Variants in TRAM1 observed in about 807,000 individuals in gnomAD.
The protein encoded by TRAM1 is translocation associated membrane protein 1.
TRAM1 carries 17 observed loss-of-function variants against 48.7 expected under a neutral mutation model. That is an observed-to-expected ratio of 0.35 (90% confidence interval 0.24 to 0.52). The LOEUF (loss-of-function observed/expected upper bound fraction) is 0.52. TRAM1 is among the 20% of genes least tolerant of loss of function. The pLI, the probability that TRAM1 is intolerant of heterozygous loss-of-function variation, is 0.94. For synonymous variants in TRAM1, 182 were observed against 154.0 expected (o/e 1.18, Z -1.34); for missense variants, 351 against 441.5 (o/e 0.79, Z 1.84).
intron 5 of TRAM1, 116 bp downstream of exon 5, chr8:70,596,133 GTCAAAGACATATTT>G (rs1817481435): frequency 1.6e-6 from 1 of 627,476 alleles, no homozygotes; most frequent in African/African-American, 1.9e-5. Flanking sequence ...CAGTGGGACT[GTCAAAGACATATTT>G]TCATCTATTT....
In TRAM1 at chr8:70,574,687, T is replaced by C. The variant is rs990561340; in HGVS notation, c.*245A>G. 2 of 321,166 alleles carry C rather than the reference T, an allele frequency of 6.2e-6. No individual in the cohort carries two copies. The highest frequency in any genetic ancestry group is 1.0e-4 in the Admixed American group (2 of 20,002). The allele number at this position is 321,166 out of a possible 1,614,324, so 19.9% of individuals were successfully genotyped here. A position where few individuals can be genotyped will look rare whatever the true frequency, so the allele number is the denominator to read the frequency against. ...AAAATGTTCAAAAATAAAAACAAAA[T>C]AAAATATGGTGGTGGTCCCTAAACT... On this transcript the variant is annotated 3_prime_UTR_variant, in exon 11 of 11. Coordinates refer to ENST00000262213, the MANE Select transcript of TRAM1 (RefSeq NM_014294.6).
chr8:70,589,808 G>A (rs562802509), intron 6 of TRAM1, among the ~76,000 whole-genome samples: 202 of 152,290 alleles, frequency 1.3e-3, no homozygotes, highest in African/African-American at 4.3e-3. Context: ...TGTGGCCACT[G>A]CACTCCAGCA....
At chr8:70,587,454 T>G (rs1195409123) in intron 6 of TRAM1, 2 of 310,034 alleles carry the variant, frequency 6.5e-6, no homozygotes, top group East Asian at 1.1e-4. Context: ...ATTAGGTATA[T>G]AGCATTAGCA....
chr8:70,580,131 G>T (rs1295580834), intron 10 of TRAM1, among the ~76,000 whole-genome samples: 1 of 152,036 alleles, frequency 6.6e-6, no homozygotes, highest in Non-Finnish European at 1.5e-5. Flanking sequence ...TTGCTTCTTG[G>T]CATTTTGGCT....
chr8:70,607,256 G>C (rs1262318182), intron 1 of TRAM1: 9 of 984,938 alleles, frequency 9.1e-6, no homozygotes, highest in Non-Finnish European at 1.1e-5. Context: ...AGATACGTGG[G>C]AAGAGAATTT....
At chr8:70,591,516 A>C (rs924144295) in intron 6 of TRAM1, among the ~76,000 whole-genome samples, 26 of 152,176 alleles carry the variant, frequency 1.7e-4, no homozygotes, top group Non-Finnish European at 1.5e-5. Flanking sequence ...GTGAAATCAT[A>C]ACAAATTATA....
intron 6 of TRAM1, among the ~76,000 whole-genome samples, chr8:70,593,568 TCCCAC>T (rs1199224753): frequency 1.4e-5 from 2 of 141,050 alleles, no homozygotes; most frequent in African/African-American, 5.3e-5. Context: ...TGAAGTAAAA[TCCCAC>T]ATAGGATTTC....
chr8:70,574,767 A>G lies in TRAM1; in HGVS notation c.*165T>C. The stretch of plus-strand genomic sequence containing the variant: ...TAAAATATTTTTTTCATTCATAGCA[A>G]TAATCCTCCCCTCAAATGCCCTTTA... On this transcript the variant is annotated 3_prime_UTR_variant, in exon 11 of 11. Transcript: ENST00000262213. 1.8e-6 allele frequency: 1 copy of G among 564,724 alleles called. No homozygotes were observed. Among genetic ancestry groups the G allele is most frequent in the Non-Finnish European group, 3.1e-6 (1 of 326,318 alleles). The allele number at this position is 564,724 out of a possible 1,614,324, so 35.0% of individuals were successfully genotyped here. A position where few individuals can be genotyped will look rare whatever the true frequency, so the allele number is the denominator to read the frequency against.
chr8:70,584,816 A>G (rs10094121), intron 8 of TRAM1, among the ~76,000 whole-genome samples: 110,849 of 151,398 alleles, frequency 0.73, 42,291 homozygotes, highest in Non-Finnish European at 0.85. Context: ...CATGCTCATG[A>G]GTAGGAAGAA....
chr8:70,596,206 T>C (rs1563388317), intron 5 of TRAM1, 57 bp downstream of exon 5: 1 of 1,367,540 alleles, frequency 7.3e-7, no homozygotes, highest in Middle Eastern at 1.9e-4. Context: ...TGAATTCTGA[T>C]TAATAGTGAC....
At chr8:70,604,833 C>T (rs1457930455) in intron 1 of TRAM1, among the ~76,000 whole-genome samples, 1 of 151,994 alleles carries the variant, frequency 6.6e-6, no homozygotes, top group East Asian at 1.9e-4. Context: ...TCTTGTGAAC[C>T]CCTAATTCTT....
chr8:70,581,303 A>G (rs1469784992), intron 10 of TRAM1, among the ~76,000 whole-genome samples: 1 of 152,250 alleles, frequency 6.6e-6, no homozygotes, highest in East Asian at 1.9e-4. Context: ...GACTCACATT[A>G]CCTGCTTTCA....
chr8:70,588,112 G>A (rs570856638), intron 6 of TRAM1, among the ~76,000 whole-genome samples: 1 of 152,192 alleles, frequency 6.6e-6, no homozygotes, highest in South Asian at 2.1e-4. Flanking sequence ...TACTCAGGAG[G>A]CAGACACAGG....
chr8:70,577,225 C>G (rs1816975859), intron 10 of TRAM1, among the ~76,000 whole-genome samples: 1 of 152,112 alleles, frequency 6.6e-6, no homozygotes, highest in South Asian at 2.1e-4. Flanking sequence ...TGTAGGCACC[C>G]CTTGGCATGA....
At chr8:70,594,455 C>CA (rs770524432) in intron 6 of TRAM1, 51 bp downstream of exon 6, 43,503 of 998,272 alleles carry the variant, frequency 0.044, no homozygotes, top group South Asian at 0.053. Context: ...AAAAATTTTT[C>CA]AAAAAAAAAA....
chr8:70,593,858 G>T (rs1817423189), intron 6 of TRAM1, among the ~76,000 whole-genome samples: 1 of 152,134 alleles, frequency 6.6e-6, no homozygotes, highest in African/African-American at 2.4e-5. Context: ...TTTCAGAAGG[G>T]AGAGGGTAAA....
intron 10 of TRAM1, among the ~76,000 whole-genome samples, chr8:70,575,997 G>T (rs1563378118): frequency 6.6e-6 from 1 of 150,780 alleles, no homozygotes; most frequent in African/African-American, 2.4e-5. Flanking sequence ...CTTGAGCCCG[G>T]GAGGCAAAGG....
intron 1 of TRAM1, among the ~76,000 whole-genome samples, chr8:70,600,334 C>T (rs917904134): frequency 1.6e-4 from 24 of 152,190 alleles, no homozygotes; most frequent in Non-Finnish European, 2.9e-4. Context: ...AAGACATTTT[C>T]TGCAGTTCCA....
At chr8:70,586,763 T>C in intron 8 of TRAM1, 132 bp downstream of exon 8, 1 of 690,768 alleles carries the variant, frequency 1.4e-6, no homozygotes. Flanking sequence ...TGCTAAATAA[T>C]TTCGTTTTAT....
Sources: gnomAD v4.1 joint callset for allele counts (sites outside exome capture counted in the v4.1 genomes callset) on GRCh38, gnomAD v4.1.1 for gene constraint, MANE v1.5 for transcripts, NCBI Gene and HGNC (gene_info 2026-07-23, HGNC 2026-07-21) for gene names.